The following FAM53C variants were observed in gnomAD, a reference collection of about 807,000 sequenced individuals.
FAM53C encodes family with sequence similarity 53 member C.
A neutral mutation model predicts 34.7 loss-of-function variants in FAM53C; 10 were observed. That is an observed-to-expected ratio of 0.29 (90% CI 0.18 to 0.49). FAM53C has a LOEUF of 0.49. Among genes scored for constraint, FAM53C ranks in the 20% least tolerant of loss-of-function variants. The pLI is 0.99. For synonymous variants in FAM53C, 203 were observed against 203.6 expected (o/e 1.00, Z 0.03); for missense variants, 442 against 515.3 (o/e 0.86, Z 1.38).
upstream of FAM53C, chr5:138,338,231 C>T (rs759740147): frequency 3.2e-6 from 4 of 1,232,748 alleles, no homozygotes; most frequent in South Asian, 5.0e-5. Flanking sequence ...CGCGCCAGCG[C>T]CTTTTAAGGG....
rs1761234474 is a variant in FAM53C at position 138,348,262 on chromosome 5, T to G, written c.*1303T>G. The G allele has an allele frequency of 6.6e-6, 1 of 152,610 alleles. No individual in the cohort carries two copies. The highest frequency in any genetic ancestry group is 1.5e-5 in the Non-Finnish European group (1 of 68,092). The allele number at this position is 152,610 out of a possible 1,614,324, so 9.5% of individuals were successfully genotyped here. ...AAGGCTGTGAGAAGCAGTTGGGAGT[T>G]TGGTTGTCATTGGATTGAATTTACT... On this transcript the variant is annotated 3_prime_UTR_variant, in exon 5 of 5. Transcript: ENST00000239906.
intron 1 of FAM53C, among the ~76,000 whole-genome samples, chr5:138,340,519 A>G (rs1390933436): frequency 6.6e-6 from 1 of 152,224 alleles, no homozygotes; most frequent in East Asian, 1.9e-4. Flanking sequence ...GTATCCATGG[A>G]CTTTGCATCA....
chr5:138,348,235 C>G lies in FAM53C; in HGVS notation c.*1276C>G, dbSNP rs1036458154. 1.3e-5 allele frequency: 2 copies of G among 152,676 alleles called. No homozygotes were observed. Among genetic ancestry groups the G allele is most frequent in the Non-Finnish European group, 2.9e-5 (2 of 68,076 alleles). The allele number at this position is 152,676 out of a possible 1,614,324, so 9.5% of individuals were successfully genotyped here. Reference sequence around the variant, plus strand: ...AGGGATTGGCTGAGGATGTATAAAGCAAAGGCTGTGAGAAGCAGTTGGGAG... The same window carrying G: ...AGGGATTGGCTGAGGATGTATAAAGGAAAGGCTGTGAGAAGCAGTTGGGAG... On this transcript the variant is annotated 3_prime_UTR_variant, in exon 5 of 5. Coordinates refer to ENST00000239906, the MANE Select transcript of FAM53C (RefSeq NM_016605.3).
chr5:138,340,838 T>C (rs556767169), intron 1 of FAM53C, among the ~76,000 whole-genome samples: 1 of 152,360 alleles, frequency 6.6e-6, no homozygotes, highest in Admixed American at 6.5e-5. Flanking sequence ...GATAAAATAC[T>C]GGGCTGATCT....
chr5:138,344,271 C>T lies in FAM53C; in HGVS notation c.137-554C>T, dbSNP rs543922140. ...AGGCCTTCCCCACCCTGTTTGCCCT[C>T]CCTAGGAATAAAAGTGATCTCTTAC... On this transcript the variant is annotated intron_variant, in intron 3 of 4. Coordinates refer to ENST00000239906, the MANE Select transcript of FAM53C (RefSeq NM_016605.3). Among the ~76,000 whole-genome samples, 6 of 152,290 alleles carry T rather than the reference C, an allele frequency of 3.9e-5. No homozygotes were observed. In the East Asian group the frequency reaches 9.6e-4, roughly 24 times the overall value.
rs774542593 is a variant in FAM53C at position 138,345,484 on chromosome 5, C to G, written c.796C>G (p.Arg266Gly). 6.2e-7 allele frequency: 1 copy of G among 1,614,090 alleles called. No homozygotes were observed. Among genetic ancestry groups the G allele is most frequent in the Non-Finnish European group, 8.5e-7 (1 of 1,180,040 alleles). The change falls in exon 4 of 5, where the codon CGC becomes GGC. Residue 266 changes from arginine to glycine, a missense_variant. Physicochemically the swap from Arg to Gly is moderately radical, Grantham distance 125 (BLOSUM62 -2). Coordinates refer to ENST00000239906, the MANE Select transcript of FAM53C (RefSeq NM_016605.3). The surrounding 1 kb of genome is among the most constrained non-coding windows in gnomAD (Gnocchi z 6.3). ...GCTGCCCTGGCGACCTCGAGGTCTC[C>G]GCAACCTTCCCCGAAGCCGCTCACA... is the stretch of plus-strand genomic sequence containing the variant. Reference protein sequence around the residue: ...PELPWRPRGLRNLPRSRSQPC... With the variant: ...PELPWRPRGLGNLPRSRSQPC...
chr5:138,341,758 C>CTT, intron 2 of FAM53C, 51 bp from the exon 3 acceptor site: 1 of 1,542,386 alleles, frequency 6.5e-7, no homozygotes, highest in South Asian at 1.1e-5. Context: ...TCCTAGAAAT[C>CTT]TGTCAGTGTG....
At chr5:138,341,684 A>G (rs932056157) in intron 2 of FAM53C, 125 bp from the exon 3 acceptor site, 2 of 888,370 alleles carry the variant, frequency 2.3e-6, no homozygotes, top group Admixed American at 1.9e-5. Context: ...GACAAGAGGA[A>G]GAACACTTAA....
chr5:138,337,937 G>A (rs984578975), upstream of FAM53C: 3 of 1,287,508 alleles, frequency 2.3e-6, no homozygotes, highest in Admixed American at 7.0e-5. Context: ...GGGAGGGCAG[G>A]GGCGATGCCT....
rs550870077 is a variant in FAM53C at position 138,345,222 on chromosome 5, C to T, written c.534C>T (p.Ala178=). ...SSLRFLQAPS[A]SSQCAPAHRP... The stretch of plus-strand genomic sequence containing the variant: ...TCAGGTTCCTCCAAGCTCCCAGTGC[C>T]TCTTCTCAATGTGCCCCAGCTCACA... Residue 178 remains alanine (A), a synonymous_variant, in exon 4 of 5, where the codon GCC becomes GCT. Coordinates refer to ENST00000239906, the MANE Select transcript of FAM53C (RefSeq NM_016605.3). The surrounding 1 kb of genome is among the most constrained non-coding windows in gnomAD (Gnocchi z 6.3). 6.2e-7 allele frequency: 1 copy of T among 1,614,236 alleles called. No individual in the cohort carries two copies. Among genetic ancestry groups the T allele is most frequent in the South Asian group, 1.1e-5 (1 of 91,090 alleles).
chr5:138,338,301 A>T lies in FAM53C; in HGVS notation c.-159A>T. 1 of 630,518 alleles carries T rather than the reference A, an allele frequency of 1.6e-6. No homozygotes were observed. Among genetic ancestry groups the T allele is most frequent in the Non-Finnish European group, 2.6e-6 (1 of 389,416 alleles). The allele number at this position is 630,518 out of a possible 1,614,324, so 39.1% of individuals were successfully genotyped here. On this transcript the variant is annotated 5_prime_UTR_variant, in exon 1 of 5. Coordinates refer to ENST00000239906, the MANE Select transcript of FAM53C (RefSeq NM_016605.3). Reference sequence around the variant, plus strand: ...CGGCCGCGGCCCTGGGAGCTGGAGGAACCGCGGTAGGTGGTGGAGGGCAGG... The same window carrying T: ...CGGCCGCGGCCCTGGGAGCTGGAGGTACCGCGGTAGGTGGTGGAGGGCAGG...
At position 138,345,070 on chromosome 5, in the gene FAM53C, T is replaced by C. The variant is rs1761129981; in HGVS notation, c.382T>C (p.Ser128Pro). 1 of 1,613,794 alleles carries C rather than the reference T, an allele frequency of 6.2e-7. No individual in the cohort carries two copies. ...CRSLSVPVDL[S>P]RWQPVWRPAP... is the part of the protein sequence containing the mutation. Reference sequence around the variant, plus strand: ...CTCACTCTCAGTGCCCGTGGACCTGTCTCGCTGGCAGCCGGTGTGGCGGCC... The same window carrying C: ...CTCACTCTCAGTGCCCGTGGACCTGCCTCGCTGGCAGCCGGTGTGGCGGCC... The change falls in exon 4 of 5, where the codon TCT (serine) becomes CCT (proline). Residue 128 changes from serine (S) to proline (P), a missense_variant. Coordinates refer to ENST00000239906, the MANE Select transcript of FAM53C (RefSeq NM_016605.3). The surrounding 1 kb of genome is among the most constrained non-coding windows in gnomAD (Gnocchi z 6.3).
intron 2 of FAM53C, 78 bp downstream of exon 2, chr5:138,341,491 C>T (rs1761033564): frequency 7.0e-6 from 9 of 1,278,650 alleles, no homozygotes; most frequent in Non-Finnish European, 1.0e-5. Flanking sequence ...TTACTTTACT[C>T]TTGTCCTGTG....
chr5:138,347,260 C>T lies in FAM53C; in HGVS notation c.*301C>T, dbSNP rs1409396525. The T allele has an allele frequency of 2.6e-5, 11 of 419,638 alleles. No homozygotes were observed. The East Asian group carries it at 3.6e-4, about 14-fold the overall frequency. The allele number at this position is 419,638 out of a possible 1,614,324, so 26.0% of individuals were successfully genotyped here. A position where few individuals can be genotyped will look rare whatever the true frequency, so the allele number is the denominator to read the frequency against. ...ATGGGCAGGGAAGGAAGGGGTCTGC[C>T]GACCCCAGCTCGGGGAATTTCACTA... On this transcript the variant is annotated 3_prime_UTR_variant, in exon 5 of 5. Transcript: ENST00000239906.
At position 138,345,374 on chromosome 5, in the gene FAM53C, G is replaced by T; in HGVS notation, c.686G>T (p.Arg229Leu). 6.2e-7 allele frequency: 1 copy of T among 1,614,044 alleles called. No individual in the cohort carries two copies. The highest frequency in any genetic ancestry group is 8.5e-7 in the Non-Finnish European group (1 of 1,180,024). ...TCCTTGTCACCTTGCCCACCTCAGC[G>T]CCGCTTCTCCCTGTCACCCAGTCTG... ...AESLSPCPPQ[R>L]RFSLSPSLGP... Residue 229 changes from arginine to leucine, a missense_variant, in exon 4 of 5, where the codon CGC (arginine) becomes CTC (leucine). Coordinates refer to ENST00000239906, the MANE Select transcript of FAM53C (RefSeq NM_016605.3). This position sits in a 1 kb window ranked among gnomAD's most constrained non-coding sequence, Gnocchi z 6.3.
chr5:138,338,177 C>G (rs1251107151), upstream of FAM53C: 17 of 1,289,194 alleles, frequency 1.3e-5, no homozygotes, highest in South Asian at 2.5e-5. Flanking sequence ...GGGGATTCTG[C>G]GAGCCGGAGC....
intron 1 of FAM53C, 112 bp from the exon 2 acceptor site, chr5:138,341,072 T>TA: frequency 3.6e-6 from 2 of 555,586 alleles, no homozygotes; most frequent in East Asian, 7.6e-5. Context: ...GATCAATTGA[T>TA]GTCTGCCAGA....
chr5:138,346,852 G>C lies in FAM53C; in HGVS notation c.1072G>C (p.Glu358Gln). ...GSSQVLSESE[E>Q]EEEGAVRWGR... ...CTCCCAGGTGCTGAGTGAAAGCGAAGAGGAGGAGGAGGGGGCTGTGCGGTG... is the reference window on the plus strand; with the variant it reads ...CTCCCAGGTGCTGAGTGAAAGCGAACAGGAGGAGGAGGGGGCTGTGCGGTG... Residue 358 changes from glutamate (E) to glutamine (Q), a missense_variant, in exon 5 of 5, where the codon GAG becomes CAG. Glu to Gln is a conservative substitution (Grantham distance 29). Transcript: ENST00000239906. 6.2e-7 allele frequency: 1 copy of C among 1,614,004 alleles called. No homozygotes were observed. Among genetic ancestry groups the C allele is most frequent in the South Asian group, 1.1e-5 (1 of 91,072 alleles).
chr5:138,339,339 CT>C (rs1360278879), intron 1 of FAM53C, among the ~76,000 whole-genome samples: 1 of 152,170 alleles, frequency 6.6e-6, no homozygotes, highest in Non-Finnish European at 1.5e-5. Context: ...TCTGTTCCCC[CT>C]CGCAGCCTGG....
Sources: allele counts gnomAD v4.1 joint callset (sites outside exome capture counted in the v4.1 genomes callset), GRCh38; gene constraint gnomAD v4.1.1; non-coding constraint Gnocchi (gnomAD v3.1); transcripts MANE v1.5; gene names NCBI Gene and HGNC (gene_info 2026-07-23, HGNC 2026-07-21).